SPIN1: variants seen among roughly 807,000 people sequenced by gnomAD.
SPIN1 encodes spindlin-1.
In SPIN1, 3 loss-of-function variants were observed where a neutral mutation model predicts 26.0. The observed-to-expected ratio is 0.12, with a 90% confidence interval of 0.05 to 0.30. The LOEUF is 0.30. SPIN1 is among the 10% of genes least tolerant of loss of function. The pLI is 1.00. For missense variants in SPIN1, 126 were observed against 333.4 expected (o/e 0.38, Z 4.84); for synonymous variants, 101 against 116.5 (o/e 0.87, Z 0.86).
intron 1 of SPIN1, among the ~76,000 whole-genome samples, chr9:88,405,997 TTGTGTGTCTGTGTGTGTG>T (rs1352077405): frequency 1.4e-4 from 20 of 138,948 alleles, no homozygotes; most frequent in African/African-American, 3.7e-4. Context: ...CGTGCCTGGC[TTGTGTGTCTGTGTGTGTG>T]TGTGTGTGTG....
rs184809017 is a variant in SPIN1 at position 88,468,202 on chromosome 9, T to C, written c.356-170T>C. ...AATCCATCTCTGAGCTGGGGCCCAGTAGTTTGTCTTTGGTTTTTGTACTTT... is the reference window on the plus strand; with the variant it reads ...AATCCATCTCTGAGCTGGGGCCCAGCAGTTTGTCTTTGGTTTTTGTACTTT... On this transcript the variant is annotated intron_variant, in intron 4 of 5. Coordinates refer to ENST00000375859, the MANE Select transcript of SPIN1 (RefSeq NM_006717.3). Among the ~76,000 whole-genome samples, 7 of 152,250 alleles carry C rather than the reference T, an allele frequency of 4.6e-5. No homozygotes were observed. The East Asian group carries it at 1.4e-3, about 29-fold the overall frequency.
intron 2 of SPIN1, among the ~76,000 whole-genome samples, chr9:88,447,661 A>G (rs1188303030): frequency 1.3e-5 from 2 of 152,236 alleles, no homozygotes; most frequent in Non-Finnish European, 2.9e-5. Context: ...GACTTAAGAC[A>G]TCCTCCCCCA....
intron 2 of SPIN1, among the ~76,000 whole-genome samples, chr9:88,433,239 G>A (rs1195401016): frequency 1.3e-5 from 2 of 151,706 alleles, no homozygotes; most frequent in African/African-American, 2.4e-5. Flanking sequence ...GTGCCACCAC[G>A]CCCTGCTAAT....
At chr9:88,441,554 TC>T (rs1399894575) in intron 2 of SPIN1, among the ~76,000 whole-genome samples, 1 of 151,794 alleles carries the variant, frequency 6.6e-6, no homozygotes, top group Non-Finnish European at 1.5e-5. Context: ...GCCCAGGAGT[TC>T]GAGACCAGTC....
intron 1 of SPIN1, among the ~76,000 whole-genome samples, chr9:88,417,700 T>A (rs1827595278): frequency 6.6e-6 from 1 of 152,148 alleles, no homozygotes; most frequent in Admixed American, 6.6e-5. Flanking sequence ...CTTGAACTCC[T>A]GACCTCAAGT....
intron 2 of SPIN1, among the ~76,000 whole-genome samples, chr9:88,441,431 A>ATGTGTGTGTGTGTG (rs927476863): frequency 1.1e-5 from 1 of 93,306 alleles, no homozygotes; most frequent in African/African-American, 1.3e-4. Context: ...GCGCGCGCCC[A>ATGTGTGTGTGTGTG]TGTGTGTGTA....
chr9:88,475,366 A>G lies in SPIN1; in HGVS notation c.*89A>G, dbSNP rs1828870134. On this transcript the variant is annotated 3_prime_UTR_variant, in exon 6 of 6. Coordinates refer to ENST00000375859, the MANE Select transcript of SPIN1 (RefSeq NM_006717.3). Reference sequence around the variant, plus strand: ...CTTGATTGCTTTCCAGTTTAATGAAAGCTTAAATGTCCCTGCGAACCCACA... The same window carrying G: ...CTTGATTGCTTTCCAGTTTAATGAAGGCTTAAATGTCCCTGCGAACCCACA... 7.4e-7 allele frequency: 1 copy of G among 1,358,704 alleles called. No homozygotes were observed. Among genetic ancestry groups the G allele is most frequent in the Non-Finnish European group, 1.0e-6 (1 of 980,338 alleles). 84.2% of individuals were successfully genotyped at this position (1,358,704 alleles called of 1,614,324 possible).
At chr9:88,469,294 C>A (rs1466436808) in intron 5 of SPIN1, among the ~76,000 whole-genome samples, 4 of 152,222 alleles carry the variant, frequency 2.6e-5, no homozygotes. Flanking sequence ...CCGCTGCTCA[C>A]CTCCTGCTGT....
At chr9:88,473,738 C>T (rs957405507) in intron 5 of SPIN1, among the ~76,000 whole-genome samples, 2 of 151,966 alleles carry the variant, frequency 1.3e-5, no homozygotes, top group Admixed American at 6.6e-5. Flanking sequence ...GGGTCCTGGT[C>T]GCGTACCCGC....
chr9:88,448,886 T>C, intron 2 of SPIN1, 55 bp from the exon 3 acceptor site: 2 of 1,537,666 alleles, frequency 1.3e-6, no homozygotes, highest in Non-Finnish European at 1.8e-6. Flanking sequence ...TTTCCTGCAT[T>C]CTGAGGTATT....
intron 1 of SPIN1, among the ~76,000 whole-genome samples, chr9:88,413,631 G>C (rs562320284): frequency 1.3e-5 from 2 of 152,120 alleles, no homozygotes; most frequent in African/African-American, 2.4e-5. Flanking sequence ...AGCCTGCCTT[G>C]GCCTCCTAAC....
At chr9:88,393,841 A>G (rs962635790) in intron 1 of SPIN1, among the ~76,000 whole-genome samples, 1 of 150,326 alleles carries the variant, frequency 6.7e-6, no homozygotes, top group Non-Finnish European at 1.5e-5. Flanking sequence ...TATGTATCCA[A>G]TGTGTGTTTT....
intron 3 of SPIN1, among the ~76,000 whole-genome samples, chr9:88,455,154 T>G (rs902747177): frequency 2.0e-5 from 3 of 152,226 alleles, no homozygotes; most frequent in Non-Finnish European, 2.9e-5. Context: ...CGCATTGCAT[T>G]AATGTAGCAG....
intron 5 of SPIN1, among the ~76,000 whole-genome samples, chr9:88,468,919 C>T (rs1052311454): frequency 2.4e-4 from 36 of 152,106 alleles, no homozygotes; most frequent in Admixed American, 1.3e-3. Context: ...AATACGTCCC[C>T]GTGTACCCTG....
At chr9:88,390,294 C>T (rs544846966) in intron 1 of SPIN1, among the ~76,000 whole-genome samples, 1 of 152,278 alleles carries the variant, frequency 6.6e-6, no homozygotes, top group African/African-American at 2.4e-5. Context: ...AATTGTGTGT[C>T]TCCCTTACTT....
chr9:88,433,351 G>C (rs1736927585), intron 2 of SPIN1, among the ~76,000 whole-genome samples: 1 of 152,160 alleles, frequency 6.6e-6, no homozygotes, highest in Non-Finnish European at 1.5e-5. Context: ...CCTAAGTGCT[G>C]GGACTACAGT....
At position 88,455,457 on chromosome 9, in the gene SPIN1, A is replaced by G. The variant is rs545934310; in HGVS notation, c.101+6468A>G. Reference sequence around the variant, plus strand: ...TGCAGCAAGAGTGAAACTCCGTGTCAGAAAAAACAGTTGTGTTTTATGTGG... The same window carrying G: ...TGCAGCAAGAGTGAAACTCCGTGTCGGAAAAAACAGTTGTGTTTTATGTGG... On this transcript the variant is annotated intron_variant, in intron 3 of 5. Coordinates refer to ENST00000375859, the MANE Select transcript of SPIN1 (RefSeq NM_006717.3). Among the ~76,000 whole-genome samples the G allele has an allele frequency of 3.9e-5, 6 of 152,372 alleles. No homozygotes were observed. In the South Asian group the frequency reaches 1.2e-3, roughly 32 times the overall value.
chr9:88,415,957 T>C (rs1587784387), intron 1 of SPIN1, among the ~76,000 whole-genome samples: 1 of 149,766 alleles, frequency 6.7e-6, no homozygotes, highest in Non-Finnish European at 1.5e-5. Context: ...GGGGTTTCAC[T>C]GTGTTAGCCA....
chr9:88,394,232 C>G (rs1375347115), intron 1 of SPIN1, among the ~76,000 whole-genome samples: 1 of 152,220 alleles, frequency 6.6e-6, no homozygotes, highest in African/African-American at 2.4e-5. Context: ...CAACCTGGTT[C>G]TCTTTCCTTT....
Sources: gnomAD v4.1 joint callset for allele counts (sites outside exome capture counted in the v4.1 genomes callset) on GRCh38, gnomAD v4.1.1 for gene constraint, MANE v1.5 for transcripts, NCBI Gene and HGNC (gene_info 2026-07-23, HGNC 2026-07-21) for gene names.